Variants in ASAH1 observed in about 807,000 individuals in gnomAD.
ASAH1 encodes acid ceramidase.
Under a neutral mutation model 59.5 loss-of-function variants are expected in ASAH1, and 70 were observed. That is an observed-to-expected ratio of 1.18 (90% CI 0.97 to 1.43). The LOEUF (loss-of-function observed/expected upper bound fraction) is 1.43. ASAH1 is among the 40% of genes most tolerant of loss of function. ASAH1 has a pLI of 0.00. For missense variants in ASAH1, 660 were observed against 482.5 expected, an observed-to-expected ratio of 1.37 and a Z score of -3.45; for synonymous variants, 213 against 166.5, an observed-to-expected ratio of 1.28 and a Z score of -2.15.
intron 4 of ASAH1, chr8:18,068,001 T>A (rs1012337749): frequency 6.6e-6 from 1 of 151,710 alleles, no homozygotes; most frequent in Non-Finnish European, 1.5e-5. Flanking sequence ...CCTAAACATA[T>A]TTTTTTTCTC....
intron 10 of ASAH1, chr8:18,060,608 G>A (rs1799652483): frequency 6.6e-6 from 1 of 152,238 alleles, no homozygotes; most frequent in Admixed American, 6.5e-5. Context: ...TATTCCCTGG[G>A]AAGTATTAAA....
chr8:18,083,621 A>C (rs967111799), intron 1 of ASAH1, among the ~76,000 whole-genome samples: 1 of 152,214 alleles, frequency 6.6e-6, no homozygotes, highest in African/African-American at 2.4e-5. Context: ...TCCTTGATTG[A>C]GTAATGCACA....
In ASAH1 at chr8:18,056,066, G is replaced by C. The variant is rs956406406; in HGVS notation, c.*1468C>G. ...ACAAAAAAATACATCAAGTTGACCT[G>C]ACTTCATTTATGTAAGAGGTAGAAA... is the stretch of plus-strand genomic sequence containing the variant. On this transcript the variant is annotated 3_prime_UTR_variant, in exon 14 of 14. Coordinates refer to ENST00000637790, the MANE Select transcript of ASAH1 (RefSeq NM_177924.5). 5.9e-5 allele frequency: 9 copies of C among 152,064 alleles called. No homozygotes were observed. The highest frequency in any genetic ancestry group is 2.2e-4 in the African/African-American group (9 of 41,404). The allele number at this position is 152,064 out of a possible 1,614,324, so 9.4% of individuals were successfully genotyped here.
chr8:18,080,748 G>C (rs541241463), intron 1 of ASAH1, among the ~76,000 whole-genome samples: 24 of 152,206 alleles, frequency 1.6e-4, no homozygotes, highest in Admixed American at 9.2e-4. Context: ...AGTAGAGACA[G>C]GGTTTCTCCA....
chr8:18,068,392 G>C (rs185758891), intron 4 of ASAH1: 5 of 152,406 alleles, frequency 3.3e-5, no homozygotes, highest in African/African-American at 4.8e-5. Flanking sequence ...ATCCTCTTTT[G>C]CTCCTGCCAG....
chr8:18,059,208 C>A (rs115789248), intron 12 of ASAH1, 133 bp downstream of exon 12: 1 of 1,415,430 alleles, frequency 7.1e-7, no homozygotes. Context: ...ACAAAAAAAT[C>A]AGTGGAGAGT....
At chr8:18,059,724 AG>A in intron 10 of ASAH1, 21 bp from the exon 11 acceptor site, 1 of 1,582,122 alleles carries the variant, frequency 6.3e-7, no homozygotes, top group East Asian at 2.3e-5. Flanking sequence ...ACATTTAAAA[AG>A]AAAAATGAAA....
At chr8:18,069,374 G>T (rs917932503) in intron 4 of ASAH1, 2 of 170,282 alleles carry the variant, frequency 1.2e-5, no homozygotes, top group Admixed American at 1.2e-4. Context: ...GAGTTTCAGG[G>T]TCAGAGCTAC....
intron 4 of ASAH1, 134 bp downstream of exon 4, chr8:18,069,658 A>G: frequency 1.5e-6 from 1 of 647,422 alleles, no homozygotes. Context: ...GTCCCTCTGA[A>G]GTTCTGACAG....
intron 2 of ASAH1, among the ~76,000 whole-genome samples, chr8:18,074,232 G>A (rs781619792): frequency 3.3e-5 from 5 of 152,184 alleles, no homozygotes; most frequent in Non-Finnish European, 7.3e-5. Context: ...AGGCCAGAAT[G>A]ATGCCAGTGA....
intron 7 of ASAH1, 58 bp from the exon 8 acceptor site, chr8:18,062,481 T>G: frequency 1.3e-6 from 2 of 1,590,474 alleles, no homozygotes; most frequent in African/African-American, 2.7e-5. Flanking sequence ...ATGATCAACA[T>G]GATGATGAGG....
At chr8:18,069,036 G>A (rs568254945) in intron 4 of ASAH1, among the ~76,000 whole-genome samples, 9 of 151,692 alleles carry the variant, frequency 5.9e-5, no homozygotes, top group South Asian at 2.1e-4. Flanking sequence ...AGCTACTCAG[G>A]AGGCTGAGGC....
At chr8:18,080,614 A>G (rs574268773) in intron 1 of ASAH1, among the ~76,000 whole-genome samples, 1 of 152,160 alleles carries the variant, frequency 6.6e-6, no homozygotes, top group African/African-American at 2.4e-5. Context: ...CTGGAGTGCA[A>G]TGGCAGGATC....
chr8:18,066,942 G>A, intron 5 of ASAH1: 1 of 383,768 alleles, frequency 2.6e-6, no homozygotes. Flanking sequence ...AATCTATAGT[G>A]ACATCAGAAT....
Position 18,062,959 on chromosome 8 carries a change from C to T in ASAH1, c.503+226G>A, listed in dbSNP as rs888617122. 62 of 509,402 alleles carry T rather than the reference C, an allele frequency of 1.2e-4. 1 individual carries two copies. The Admixed American group carries it at 1.9e-3, about 16-fold the overall frequency. 31.6% of individuals were successfully genotyped at this position (509,402 alleles called of 1,614,324 possible). A position where few individuals can be genotyped will look rare whatever the true frequency, so the allele number is the denominator to read the frequency against. ...GATCTCGGCTCACTGCAACCTCCGC[C>T]TCGCAGGTTCAAAAAAGTCTCTGCC... On this transcript the variant is annotated intron_variant, in intron 7 of 13. Coordinates refer to ENST00000637790, the MANE Select transcript of ASAH1 (RefSeq NM_177924.5).
chr8:18,080,256 A>T (rs1317689598), intron 1 of ASAH1, among the ~76,000 whole-genome samples: 1 of 152,216 alleles, frequency 6.6e-6, no homozygotes, highest in East Asian at 1.9e-4. Context: ...GATGCATAAA[A>T]ATGAGTTTAC....
intron 2 of ASAH1, 137 bp downstream of exon 2, chr8:18,075,404 A>T (rs759642574): frequency 3.1e-6 from 3 of 967,056 alleles, no homozygotes; most frequent in Non-Finnish European, 3.4e-6. Context: ...AACAAATCTG[A>T]GAAACAAACC....
chr8:18,077,124 G>C (rs1243039011), intron 1 of ASAH1, among the ~76,000 whole-genome samples: 1 of 152,188 alleles, frequency 6.6e-6, no homozygotes, highest in East Asian at 1.9e-4. Context: ...TCTGTCACAA[G>C]AGACATCAGG....
intron 1 of ASAH1, among the ~76,000 whole-genome samples, chr8:18,083,692 T>G (rs915512345): frequency 6.6e-5 from 10 of 152,242 alleles, no homozygotes; most frequent in Admixed American, 3.9e-4. Context: ...AACTGGTTAT[T>G]CAAGTACACT....
Sources: gnomAD v4.1 joint callset for allele counts (sites outside exome capture counted in the v4.1 genomes callset) on GRCh38, gnomAD v4.1.1 for gene constraint, MANE v1.5 for transcripts, NCBI Gene and HGNC (gene_info 2026-07-23, HGNC 2026-07-21) for gene names.